Variants in YES1 observed in about 807,000 individuals in gnomAD.
YES1 encodes YES proto-oncogene 1, Src family tyrosine kinase, also known as tyrosine-protein kinase Yes.
In YES1, 39 loss-of-function variants were observed where a neutral mutation model predicts 70.4. The ratio of observed to expected loss-of-function variants is 0.55; its 90% CI spans 0.43 to 0.72. YES1 has a LOEUF of 0.72. Among genes scored for constraint, YES1 ranks in the 30% least tolerant of loss-of-function variants. The pLI is 0.00. For missense variants in YES1, 495 were observed against 644.8 expected (o/e 0.77, Z 2.52); for synonymous variants, 198 against 218.6 (o/e 0.91, Z 0.83).
intron 1 of YES1, among the ~76,000 whole-genome samples, chr18:792,596 T>C (rs1568216959): frequency 6.6e-6 from 1 of 151,770 alleles, no homozygotes; most frequent in Non-Finnish European, 1.5e-5. Context: ...TATATACATA[T>C]ATACATATAT....
rs1187335641 is a variant in YES1, at chr18:812,198, C to T, written c.-93G>A. The T allele has an allele frequency of 6.6e-6, 1 of 152,272 alleles. No individual in the cohort carries two copies. The highest frequency in any genetic ancestry group is 1.5e-5 in the Non-Finnish European group (1 of 68,000). The allele number at this position is 152,272 out of a possible 1,614,324, so 9.4% of individuals were successfully genotyped here. On this transcript the variant is annotated 5_prime_UTR_variant, in exon 1 of 12. Transcript: ENST00000314574. ...GGAGGCGAGGCCCGCGGGCCCTCTC[C>T]CTCCTCCACCTCCTCGTCCCGGGGC...
At chr18:731,188 AT>A (rs2080083875) in intron 11 of YES1, among the ~76,000 whole-genome samples, 1 of 152,224 alleles carries the variant, frequency 6.6e-6, no homozygotes, top group African/African-American at 2.4e-5. Context: ...TATTGGTAAC[AT>A]TAAGGTTTAA....
At chr18:730,603 T>C (rs1423024644) in intron 11 of YES1, among the ~76,000 whole-genome samples, 1 of 152,200 alleles carries the variant, frequency 6.6e-6, no homozygotes, top group African/African-American at 2.4e-5. Context: ...TCTGCCTCAT[T>C]TGCTTAATAA....
At chr18:768,770 T>C (rs551123438) in intron 1 of YES1, among the ~76,000 whole-genome samples, 2 of 152,040 alleles carry the variant, frequency 1.3e-5, no homozygotes, top group South Asian at 4.1e-4. Flanking sequence ...TGGTGTGATC[T>C]CGGCTCACTG....
intron 8 of YES1, among the ~76,000 whole-genome samples, chr18:742,193 C>G (rs2080223571): frequency 2.6e-5 from 4 of 152,184 alleles, no homozygotes; most frequent in Admixed American, 2.6e-4. Context: ...ACTAGTTCCT[C>G]TAAGTACCAT....
intron 1 of YES1, among the ~76,000 whole-genome samples, chr18:790,187 C>A: frequency 6.6e-6 from 1 of 152,044 alleles, no homozygotes; most frequent in East Asian, 1.9e-4. Flanking sequence ...ATGAGCCTGG[C>A]CAACATGGTG....
chr18:802,461 T>C (rs1360480958), intron 1 of YES1, among the ~76,000 whole-genome samples: 2 of 151,462 alleles, frequency 1.3e-5, no homozygotes, highest in African/African-American at 4.9e-5. Flanking sequence ...GAAGAATCGC[T>C]TGAACCTGGG....
chr18:769,789 A>ATAT (rs1322866285), intron 1 of YES1, among the ~76,000 whole-genome samples: 1 of 152,150 alleles, frequency 6.6e-6, no homozygotes, highest in Admixed American at 6.6e-5. Flanking sequence ...TGGTCATGGT[A>ATAT]TATTACCCTT....
At chr18:812,476 C>T (rs1247734961), upstream of YES1, 9 of 152,156 alleles carry the variant, frequency 5.9e-5, no homozygotes, top group Admixed American at 4.6e-4. Context: ...CCCGTCAGGT[C>T]CCCTCCGCGG....
chr18:783,580 C>A (rs989214409), intron 1 of YES1, among the ~76,000 whole-genome samples: 15 of 151,544 alleles, frequency 9.9e-5, no homozygotes, highest in African/African-American at 2.9e-4. Context: ...CTACCCCCAA[C>A]AGATTTTTCT....
chr18:768,979 G>A (rs542823741), intron 1 of YES1, among the ~76,000 whole-genome samples: 10 of 152,264 alleles, frequency 6.6e-5, no homozygotes, highest in African/African-American at 2.4e-4. Context: ...CTGGGATACA[G>A]GCATGAGCCA....
At chr18:776,504 TA>T (rs1002496879) in intron 1 of YES1, among the ~76,000 whole-genome samples, 1 of 152,202 alleles carries the variant, frequency 6.6e-6, no homozygotes, top group African/African-American at 2.4e-5. Context: ...TCAAGACACT[TA>T]TCCATTGTTC....
At chr18:749,412 C>T (rs1182743796) in intron 3 of YES1, among the ~76,000 whole-genome samples, 2 of 151,870 alleles carry the variant, frequency 1.3e-5, no homozygotes, top group Admixed American at 6.6e-5. Flanking sequence ...GCAGGAGAAT[C>T]GCTTGAACCT....
intron 2 of YES1, 97 bp from the exon 3 acceptor site, chr18:751,901 A>C: frequency 1.2e-6 from 1 of 801,432 alleles, no homozygotes; most frequent in East Asian, 2.5e-5. Context: ...AAGCTTAAGG[A>C]TAGTTTTTTC....
intron 1 of YES1, among the ~76,000 whole-genome samples, chr18:772,220 C>T (rs1032521174): frequency 4.0e-5 from 6 of 151,654 alleles, no homozygotes; most frequent in Admixed American, 2.0e-4. Context: ...GTACAGACAG[C>T]GTTTCTCCAT....
At chr18:790,433 T>C (rs1199238560) in intron 1 of YES1, among the ~76,000 whole-genome samples, 1 of 152,226 alleles carries the variant, frequency 6.6e-6, no homozygotes, top group Non-Finnish European at 1.5e-5. Context: ...ATACTGAGAT[T>C]TCTGTTTCTC....
At chr18:772,637 G>C (rs1274090613) in intron 1 of YES1, among the ~76,000 whole-genome samples, 2 of 151,872 alleles carry the variant, frequency 1.3e-5, no homozygotes, top group African/African-American at 4.8e-5. Flanking sequence ...TCACCATGTT[G>C]GTCAGGCTGG....
chr18:773,346 C>T lies in YES1; in HGVS notation c.-8-16511G>A, dbSNP rs773163621. Among the ~76,000 whole-genome samples, 158 of 152,252 alleles carry T rather than the reference C, an allele frequency of 1.0e-3. 1 individual carries two copies. Among genetic ancestry groups the T allele is most frequent in the Non-Finnish European group, 1.8e-3 (124 of 68,018 alleles). On this transcript the variant is annotated intron_variant, in intron 1 of 11. Transcript: ENST00000314574. ...GAACTACTTTCATCTTCCTGGATAA[C>T]GGGCAAGAGAAGGCAGAGTGGAACC...
chr18:772,012 G>A (rs190762694), intron 1 of YES1, among the ~76,000 whole-genome samples: 6 of 151,530 alleles, frequency 4.0e-5, no homozygotes, highest in East Asian at 3.9e-4. Context: ...CAGTCTGATC[G>A]TACACCACAA....
Sources: allele counts gnomAD v4.1 joint callset (sites outside exome capture counted in the v4.1 genomes callset), GRCh38; gene constraint gnomAD v4.1.1; transcripts MANE v1.5; gene names NCBI Gene and HGNC (gene_info 2026-07-23, HGNC 2026-07-21).